Variants in PFN1 observed in about 807,000 individuals in gnomAD.
PFN1 encodes profilin-1.
Under a neutral mutation model 11.7 loss-of-function variants are expected in PFN1, and 2 were observed. That is an observed-to-expected ratio of 0.17 (90% confidence interval 0.07 to 0.54). The LOEUF is 0.54. PFN1 is among the 20% of genes least tolerant of loss of function. The pLI is 0.94. For synonymous variants in PFN1, 78 were observed against 76.2 expected (o/e 1.02, Z -0.12); for missense variants, 97 against 188.4 (o/e 0.51, Z 2.84).
Position 4,946,850 on chromosome 17 carries a change from T to C in PFN1, c.133-30A>G, listed in dbSNP as rs1162554414. 2.5e-6 allele frequency: 4 copies of C among 1,587,776 alleles called. No homozygotes were observed. The East Asian group carries it at 8.9e-5, about 35-fold the overall frequency. On this transcript the variant is annotated intron_variant, in intron 1 of 2. Transcript: ENST00000225655. ...AAGAGGAACCAAGCGCCCATCAAGT[T>C]AGTCAGTGCACCAAGATTCCCACCG...
Position 4,948,525 on chromosome 17 carries a change from C to A in PFN1, c.-131G>T, listed in dbSNP as rs1464476391. The stretch of plus-strand genomic sequence containing the variant: ...CTGCCGTCCGGACCGCGGCTCCGCT[C>A]GCTGTGCAGCAGCCCTCGCACCGCC... On this transcript the variant is annotated 5_prime_UTR_variant, in exon 1 of 3. Transcript: ENST00000225655. The A allele has an allele frequency of 2.9e-6, 3 of 1,022,720 alleles. No individual in the cohort carries two copies. Among genetic ancestry groups the A allele is most frequent in the Non-Finnish European group, 4.0e-6 (3 of 751,190 alleles). The allele number at this position is 1,022,720 out of a possible 1,614,324, so 63.4% of individuals were successfully genotyped here.
In PFN1 at chr17:4,945,776, T is replaced by C. The variant is rs932033689; in HGVS notation, c.*124A>G. 4.7e-6 allele frequency: 3 copies of C among 640,534 alleles called. No individual in the cohort carries two copies. Among genetic ancestry groups the C allele is most frequent in the African/African-American group, 3.6e-5 (2 of 55,176 alleles). The allele number at this position is 640,534 out of a possible 1,614,324, so 39.7% of individuals were successfully genotyped here. ...CCATCCAGCCCTGGCCCCCAGCCCA[T>C]GTGGTTTTGGCAGCAATAAGGGGTA... On this transcript the variant is annotated 3_prime_UTR_variant, in exon 3 of 3. Coordinates refer to ENST00000225655, the MANE Select transcript of PFN1 (RefSeq NM_005022.4).
At chr17:4,947,031 G>A (rs1038314710) in intron 1 of PFN1, 2 of 467,324 alleles carry the variant, frequency 4.3e-6, no homozygotes, top group South Asian at 3.8e-5. Context: ...CTGAAACTTA[G>A]AATATGGAAC....
chr17:4,947,054 G>A (rs1360961209), intron 1 of PFN1: 10 of 437,200 alleles, frequency 2.3e-5, no homozygotes, highest in South Asian at 2.1e-4. Flanking sequence ...GGGAGGAAGG[G>A]ATGACATACT....
At position 4,946,615 on chromosome 17, in the gene PFN1, C is replaced by T; in HGVS notation, c.325+13G>A. 1 of 1,597,340 alleles carries T rather than the reference C, an allele frequency of 6.3e-7. No homozygotes were observed. ...TCTTGGAGCTAAAGGAAGGGTAAGACTCAGGAACTCACTCTTGTCAGTCTT... is the reference window on the plus strand; with the variant it reads ...TCTTGGAGCTAAAGGAAGGGTAAGATTCAGGAACTCACTCTTGTCAGTCTT... On this transcript the variant is annotated intron_variant, in intron 2 of 2. Transcript: ENST00000225655.
chr17:4,948,485 A>G lies in PFN1; in HGVS notation c.-91T>C, dbSNP rs2151136276. On this transcript the variant is annotated 5_prime_UTR_variant, in exon 1 of 3. Coordinates refer to ENST00000225655, the MANE Select transcript of PFN1 (RefSeq NM_005022.4). Reference sequence around the variant, plus strand: ...GGCTGGCGGGCGGGGGGAGGCGGAGAGCTCGGGGCACGCGCTGCCGTCCGG... The same window carrying G: ...GGCTGGCGGGCGGGGGGAGGCGGAGGGCTCGGGGCACGCGCTGCCGTCCGG... 1 of 1,385,054 alleles carries G rather than the reference A, an allele frequency of 7.2e-7. No individual in the cohort carries two copies. Among genetic ancestry groups the G allele is most frequent in the Non-Finnish European group, 9.4e-7 (1 of 1,062,630 alleles). 85.8% of individuals were successfully genotyped at this position (1,385,054 alleles called of 1,614,324 possible). A position where few individuals can be genotyped will look rare whatever the true frequency, so the allele number is the denominator to read the frequency against.
chr17:4,945,731 G>A lies in PFN1; in HGVS notation c.*169C>T, dbSNP rs942137449. On this transcript the variant is annotated 3_prime_UTR_variant, in exon 3 of 3. Transcript: ENST00000225655. Reference sequence around the variant, plus strand: ...TTCCAACCACACACGGGAGGGATATGGGTAGGGGGAGGTGTCTGTCCATCC... The same window carrying A: ...TTCCAACCACACACGGGAGGGATATAGGTAGGGGGAGGTGTCTGTCCATCC... 3.6e-6 allele frequency: 2 copies of A among 548,918 alleles called. No homozygotes were observed. The highest frequency in any genetic ancestry group is 3.8e-5 in the African/African-American group (2 of 52,354). The allele number at this position is 548,918 out of a possible 1,614,324, so 34.0% of individuals were successfully genotyped here.
chr17:4,947,298 A>G (rs762384876), intron 1 of PFN1: 1 of 152,546 alleles, frequency 6.6e-6, no homozygotes, highest in South Asian at 2.0e-4. Flanking sequence ...CAAGTAACCT[A>G]GAGTTTAGCT....
intron 1 of PFN1, chr17:4,947,068 C>G (rs1279701388): frequency 2.6e-6 from 1 of 377,438 alleles, no homozygotes; most frequent in Non-Finnish European, 4.7e-6. Flanking sequence ...ACATACTCCT[C>G]TAGAGATTTA....
At chr17:4,948,080 G>A (rs1171872729) in intron 1 of PFN1, 183 bp downstream of exon 1, 2 of 600,424 alleles carry the variant, frequency 3.3e-6, no homozygotes, top group East Asian at 3.5e-5. Flanking sequence ...GCCGCCTGGG[G>A]CATAGGACCT....
intron 1 of PFN1, chr17:4,947,988 C>G (rs956348022): frequency 6.1e-5 from 22 of 363,246 alleles, no homozygotes; most frequent in African/African-American, 4.7e-4. Flanking sequence ...GCCGCCGCAC[C>G]GGGCGCCGCG....
At chr17:4,948,191 C>A (rs1971448821) in intron 1 of PFN1, 72 bp downstream of exon 1, 1 of 1,490,130 alleles carries the variant, frequency 6.7e-7, no homozygotes, top group Non-Finnish European at 9.0e-7. Flanking sequence ...AGACCGCGCC[C>A]GCCCCCACCC....
intron 1 of PFN1, 119 bp downstream of exon 1, chr17:4,948,144 G>T: frequency 8.2e-7 from 1 of 1,226,388 alleles, no homozygotes; most frequent in East Asian, 2.9e-5. Flanking sequence ...CCGCTTCCAG[G>T]GCAAGCACCC....
intron 1 of PFN1, chr17:4,947,118 A>AG (rs1971415329): frequency 5.3e-6 from 1 of 189,814 alleles, no homozygotes; most frequent in Non-Finnish European, 1.1e-5. Flanking sequence ...CAGGAAATAA[A>AG]GGGAGTCAGT....
At position 4,948,470 on chromosome 17, in the gene PFN1, C is replaced by CG. The variant is rs1971455726; in HGVS notation, c.-77dup. 2.6e-5 allele frequency: 38 copies of CG among 1,446,174 alleles called. No individual in the cohort carries two copies. The highest frequency in any genetic ancestry group is 3.1e-5 in the Non-Finnish European group (34 of 1,103,324). 89.6% of individuals were successfully genotyped at this position (1,446,174 alleles called of 1,614,324 possible). The stretch of plus-strand genomic sequence containing the variant: ...GGCTCGAGCTGCCTCGGCTGGCGGG[C>CG]GGGGGGAGGCGGAGAGCTCGGGGCA... On this transcript the variant is annotated 5_prime_UTR_variant, in exon 1 of 3. Coordinates refer to ENST00000225655, the MANE Select transcript of PFN1 (RefSeq NM_005022.4).
At chr17:4,947,980 C>G (rs1306728440) in intron 1 of PFN1, 3 of 346,670 alleles carry the variant, frequency 8.7e-6, no homozygotes, top group African/African-American at 6.4e-5. Context: ...GGAAGTGGGC[C>G]GCCGCACCGG....
At chr17:4,946,402 G>T in intron 2 of PFN1, among the ~76,000 whole-genome samples, 1 of 152,176 alleles carries the variant, frequency 6.6e-6, no homozygotes, top group East Asian at 1.9e-4. Context: ...AAGGCAGTAA[G>T]TAATTTAAGA....
At chr17:4,946,985 G>A (rs924096871) in intron 1 of PFN1, 165 bp from the exon 2 acceptor site, 2 of 506,462 alleles carry the variant, frequency 3.9e-6, no homozygotes, top group Non-Finnish European at 3.4e-6. Context: ...AAACTCTGAG[G>A]ACTGTGGGAC....
At chr17:4,947,931 A>G (rs1971441993) in intron 1 of PFN1, among the ~76,000 whole-genome samples, 3 of 152,142 alleles carry the variant, frequency 2.0e-5, no homozygotes, top group African/African-American at 7.2e-5. Flanking sequence ...AATCCCCAGT[A>G]AAAACTGAGG....
Sources: allele counts gnomAD v4.1 joint callset (sites outside exome capture counted in the v4.1 genomes callset), GRCh38; gene constraint gnomAD v4.1.1; transcripts MANE v1.5; gene names NCBI Gene and HGNC (gene_info 2026-07-23, HGNC 2026-07-21).